The following ANKRD18B variants were observed in gnomAD, a reference collection of about 807,000 sequenced individuals.
The protein encoded by ANKRD18B is ankyrin repeat domain 18B.
Under a neutral mutation model 111.8 loss-of-function variants are expected in ANKRD18B, and 75 were observed. That is an observed-to-expected ratio of 0.67 (90% CI 0.56 to 0.81). The LOEUF (loss-of-function observed/expected upper bound fraction) is 0.81. Ranked by LOEUF, ANKRD18B falls within the 40% of genes least tolerant of loss-of-function variation. ANKRD18B has a pLI of 0.00. For missense variants in ANKRD18B, 1,038 were observed against 1,225.5 expected (o/e 0.85, Z 2.28); for synonymous variants, 356 against 417.3 (o/e 0.85, Z 1.79).
chr9:33,556,034 T>TA (rs548380136), intron 13 of ANKRD18B, among the ~76,000 whole-genome samples: 49 of 152,194 alleles, frequency 3.2e-4, no homozygotes, highest in African/African-American at 1.2e-3. Context: ...TTGGAATTAT[T>TA]AAAAAAATCA....
intron 3 of ANKRD18B, among the ~76,000 whole-genome samples, chr9:33,530,329 T>G (rs1427867962): frequency 6.6e-6 from 1 of 152,122 alleles, no homozygotes; most frequent in Non-Finnish European, 1.5e-5. Flanking sequence ...CTTGAAGCCA[T>G]GCACAGTGGC....
intron 17 of ANKRD18B, 96 bp from the exon 18 acceptor site, chr9:33,571,150 C>T (rs556955859): frequency 8.1e-6 from 3 of 370,830 alleles, no homozygotes; most frequent in Middle Eastern, 1.4e-3. Flanking sequence ...ACTAAAAATA[C>T]TAAAGGCCAC....
intron 16 of ANKRD18B, among the ~76,000 whole-genome samples, chr9:33,567,674 A>G (rs976111768): frequency 4.6e-5 from 7 of 152,146 alleles, no homozygotes; most frequent in South Asian, 2.1e-4. Context: ...AATGAGTTTA[A>G]TTTATTTTTT....
At position 33,572,354 on chromosome 9, in the gene ANKRD18B, T is replaced by C. The variant is rs1457699978; in HGVS notation, c.3262T>C (p.Ser1088Pro). 6.2e-7 allele frequency: 1 copy of C among 1,611,572 alleles called. No individual in the cohort carries two copies. The highest frequency in any genetic ancestry group is 8.5e-7 in the Non-Finnish European group (1 of 1,178,844). ...GGGCCCTTGCTCCTATCTACTTTCT[T>C]CTCTAGAATCCACTGGTAAGCCACA... ...ALGPCSYLLS[S>P]LESTGKPHLM... The change falls in exon 19 of 19, where the codon TCT becomes CCT. Residue 1088 changes from serine to proline, a missense_variant. Coordinates refer to ENST00000684830, the MANE Select transcript of ANKRD18B (RefSeq NM_001393611.1).
chr9:33,544,303 A>G (rs552292661), intron 10 of ANKRD18B, among the ~76,000 whole-genome samples: 7 of 152,334 alleles, frequency 4.6e-5, no homozygotes, highest in Non-Finnish European at 8.8e-5. Flanking sequence ...ACTTAGGAGT[A>G]GTAAAACATA....
chr9:33,537,664 C>G (rs1279144700), intron 6 of ANKRD18B, among the ~76,000 whole-genome samples: 1 of 152,020 alleles, frequency 6.6e-6, no homozygotes, highest in Admixed American at 6.6e-5. Context: ...CCAGTTGATT[C>G]TTGAATATTG....
chr9:33,562,486 T>C (rs1828621508), intron 14 of ANKRD18B, among the ~76,000 whole-genome samples: 4 of 152,052 alleles, frequency 2.6e-5, no homozygotes, highest in Non-Finnish European at 5.9e-5. Flanking sequence ...TCTAGCTCAG[T>C]AGAGGATTCT....
At chr9:33,533,108 G>A (rs987434357) in intron 3 of ANKRD18B, among the ~76,000 whole-genome samples, 9 of 152,106 alleles carry the variant, frequency 5.9e-5, no homozygotes, top group African/African-American at 1.9e-4. Context: ...AAAAGATACA[G>A]CCCTTGCCCT....
At chr9:33,524,962 G>A (rs1174091275) in intron 1 of ANKRD18B, among the ~76,000 whole-genome samples, 3 of 152,238 alleles carry the variant, frequency 2.0e-5, no homozygotes, top group Non-Finnish European at 4.4e-5. Context: ...TCATTCCCAT[G>A]TCAAAAATAC....
At chr9:33,536,257 T>A (rs1828199243) in intron 5 of ANKRD18B, among the ~76,000 whole-genome samples, 1 of 152,208 alleles carries the variant, frequency 6.6e-6, no homozygotes, top group South Asian at 2.1e-4. Flanking sequence ...AGTTATGAAC[T>A]AGCTAAAATG....
chr9:33,535,210 A>G (rs1226819133), intron 5 of ANKRD18B, among the ~76,000 whole-genome samples: 2 of 152,030 alleles, frequency 1.3e-5, no homozygotes. Flanking sequence ...TGCCACCAGG[A>G]TGCCCTTACT....
Position 33,548,573 on chromosome 9 carries a change from G to T in ANKRD18B, c.1785G>T (p.Met595Ile). ...AQHRIKEMKQMHPNGEAKESQ... is the reference protein window; with the variant it reads ...AQHRIKEMKQIHPNGEAKESQ... ...ATCGAATAAAGGAAATGAAGCAGAT[G>T]CATCCAAATGGGGAAGCTAAAGAAA... Residue 595 changes from methionine to isoleucine, a missense_variant, in exon 11 of 19, where the codon ATG becomes ATT. Physicochemically the swap from Met to Ile is conservative, Grantham distance 10. This residue lies in a region of ANKRD18B where 524 missense variants were observed against 677.9 expected (regional missense o/e 0.77). Transcript: ENST00000684830. The T allele has an allele frequency of 6.4e-7, 1 of 1,551,314 alleles. No individual in the cohort carries two copies. Among genetic ancestry groups the T allele is most frequent in the Non-Finnish European group, 8.7e-7 (1 of 1,146,664 alleles).
chr9:33,540,209 C>A lies in ANKRD18B; in HGVS notation c.994C>A (p.Pro332Thr), dbSNP rs1828258955. The A allele has an allele frequency of 6.6e-6, 1 of 151,060 alleles. No homozygotes were observed. Among genetic ancestry groups the A allele is most frequent in the South Asian group, 2.1e-4 (1 of 4,750 alleles). 9.4% of individuals were successfully genotyped at this position (151,060 alleles called of 1,614,324 possible). ...GGACAACAGGCACATGCGACCATGC[C>A]CAGGTAATTTTTGTATTTTTAGTAG... is the stretch of plus-strand genomic sequence containing the variant. ...SWDNRHMRPC[P>T]ETAAMKPENL... is the part of the protein sequence containing the mutation. Residue 332 changes from proline (P) to threonine (T), a missense_variant, in exon 8 of 19, where the codon CCA becomes ACA. Physicochemically the swap from Pro to Thr is conservative, Grantham distance 38. Coordinates refer to ENST00000684830, the MANE Select transcript of ANKRD18B (RefSeq NM_001393611.1).
intron 1 of ANKRD18B, among the ~76,000 whole-genome samples, chr9:33,526,572 T>G (rs993388837): frequency 1.3e-5 from 2 of 152,162 alleles, no homozygotes. Context: ...TAGTAAAAAT[T>G]TATTATTAAT....
intron 1 of ANKRD18B, among the ~76,000 whole-genome samples, chr9:33,527,488 A>C (rs560525745): frequency 1.1e-4 from 16 of 151,988 alleles, no homozygotes; most frequent in Non-Finnish European, 2.1e-4. Flanking sequence ...CGCCCAGCTA[A>C]TTTTTGTAGT....
chr9:33,566,412 T>G lies in ANKRD18B; in HGVS notation c.2654T>G (p.Val885Gly). 1 of 1,608,076 alleles carries G rather than the reference T, an allele frequency of 6.2e-7. No individual in the cohort carries two copies. Among genetic ancestry groups the G allele is most frequent in the Non-Finnish European group, 8.5e-7 (1 of 1,177,330 alleles). ...AAGACACATATGGAAAAAGATATGG[T>G]AGAACTTGGTAAAGTACAAGAATAT... is the stretch of plus-strand genomic sequence containing the variant. Reference protein sequence around the residue: ...NLKTHMEKDMVELGKVQEYKS... With the variant: ...NLKTHMEKDMGELGKVQEYKS... Residue 885 changes from valine to glycine, a missense_variant, in exon 15 of 19, where the codon GTA becomes GGA. By Grantham distance (109) the Val-to-Gly change is moderately radical. Transcript: ENST00000684830.
At chr9:33,524,844 G>C in intron 1 of ANKRD18B, 149 bp downstream of exon 1, 1 of 984,864 alleles carries the variant, frequency 1.0e-6, no homozygotes, top group Non-Finnish European at 1.5e-6. Flanking sequence ...GGAATTTCCC[G>C]CCTGTAGCGC....
At chr9:33,546,405 A>T (rs1253506683) in intron 10 of ANKRD18B, among the ~76,000 whole-genome samples, 1 of 152,160 alleles carries the variant, frequency 6.6e-6, no homozygotes, top group Non-Finnish European at 1.5e-5. Flanking sequence ...GTTGAATCAG[A>T]CTTTTACATG....
intron 1 of ANKRD18B, among the ~76,000 whole-genome samples, chr9:33,527,098 T>C (rs987719227): frequency 3.3e-5 from 5 of 152,324 alleles, no homozygotes; most frequent in South Asian, 2.1e-4. Flanking sequence ...TGAAGCTTTT[T>C]CTCCCACCTT....
Sources: gnomAD v4.1 joint callset for allele counts (sites outside exome capture counted in the v4.1 genomes callset) on GRCh38, gnomAD v4.1.1 for gene constraint, gnomAD v4.1.1 regional missense constraint, MANE v1.5 for transcripts, NCBI Gene and HGNC (gene_info 2026-07-23, HGNC 2026-07-21) for gene names.